Variants in YLPM1 observed in about 807,000 individuals in gnomAD.
YLPM1 encodes the protein YLP motif containing 1.
Under a neutral mutation model 230.0 loss-of-function variants are expected in YLPM1, and 99 were observed. The ratio of observed to expected loss-of-function variants is 0.43; its 90% CI spans 0.37 to 0.51. The LOEUF is 0.51. Among genes scored for constraint, YLPM1 ranks in the 20% least tolerant of loss-of-function variants. The probability of loss-of-function intolerance (pLI) is 0.00; values close to 1 mark genes in which losing one functional copy is unlikely to be tolerated. For synonymous variants in YLPM1, 984 were observed against 942.5 expected (o/e 1.04, Z -0.81); for missense variants, 2,592 against 2,707.7 (o/e 0.96, Z 0.95).
At chr14:74,799,845 GT>G in intron 5 of YLPM1, 148 bp downstream of exon 5, 1 of 1,283,058 alleles carries the variant, frequency 7.8e-7, no homozygotes, top group Non-Finnish European at 1.0e-6. Context: ...ATTCAGTGCT[GT>G]TTTAGGGTTA....
intron 1 of YLPM1, among the ~76,000 whole-genome samples, chr14:74,769,173 TTAA>T (rs2090946000): frequency 6.6e-6 from 1 of 151,320 alleles, no homozygotes; most frequent in Non-Finnish European, 1.5e-5. Flanking sequence ...CCTTCCGGGT[TTAA>T]GCAATTTTCT....
intron 18 of YLPM1, among the ~76,000 whole-genome samples, chr14:74,824,693 A>T (rs1183392904): frequency 6.6e-6 from 1 of 152,036 alleles, no homozygotes; most frequent in Non-Finnish European, 1.5e-5. Flanking sequence ...AATAAAAATA[A>T]TATAAAGTTT....
chr14:74,788,865 G>T (rs1341284176), intron 4 of YLPM1, among the ~76,000 whole-genome samples: 1 of 152,028 alleles, frequency 6.6e-6, no homozygotes, highest in African/African-American at 2.4e-5. Flanking sequence ...AAACCGTAAG[G>T]CTACAAGTAT....
intron 1 of YLPM1, among the ~76,000 whole-genome samples, chr14:74,777,417 T>A (rs776872911): frequency 3.3e-5 from 5 of 150,762 alleles, no homozygotes; most frequent in Admixed American, 2.0e-4. Flanking sequence ...AATAAAAAAA[T>A]TTAGCTGGGC....
chr14:74,817,163 C>T, intron 14 of YLPM1, 31 bp from the exon 15 acceptor site: 1 of 1,595,576 alleles, frequency 6.3e-7, no homozygotes, highest in East Asian at 2.2e-5. Flanking sequence ...TGTTATATAT[C>T]TTTGCCTAAT....
chr14:74,792,307 T>G (rs1028303841), intron 4 of YLPM1, among the ~76,000 whole-genome samples: 1 of 152,200 alleles, frequency 6.6e-6, no homozygotes, highest in African/African-American at 2.4e-5. Context: ...ATTTTTATTT[T>G]GCATTATATT....
intron 19 of YLPM1, among the ~76,000 whole-genome samples, chr14:74,833,459 C>T (rs1199937425): frequency 1.3e-5 from 2 of 152,010 alleles, no homozygotes; most frequent in African/African-American, 4.8e-5. Flanking sequence ...CGCCTTGTTG[C>T]CCAGGCTGGT....
chr14:74,809,168 GTTCT>G (rs1268966737), intron 6 of YLPM1, among the ~76,000 whole-genome samples: 1 of 150,850 alleles, frequency 6.6e-6, no homozygotes, highest in East Asian at 1.9e-4. Context: ...CTGAATTCAA[GTTCT>G]TTATCAAATA....
At chr14:74,830,904 T>A (rs1037020906) in intron 19 of YLPM1, among the ~76,000 whole-genome samples, 3 of 152,184 alleles carry the variant, frequency 2.0e-5, no homozygotes, top group Non-Finnish European at 4.4e-5. Context: ...GGGATTACAA[T>A]TCAACATGAG....
intron 14 of YLPM1, 27 bp downstream of exon 14, chr14:74,817,134 C>G (rs111521077): frequency 6.3e-7 from 1 of 1,598,962 alleles, no homozygotes; most frequent in Non-Finnish European, 8.5e-7. Flanking sequence ...CTTTAAAGTA[C>G]TTTGTGTTGT....
chr14:74,835,545 T>C (rs553180704), intron 20 of YLPM1, 98 bp downstream of exon 20: 1 of 1,051,958 alleles, frequency 9.5e-7, no homozygotes, highest in African/African-American at 1.6e-5. Context: ...GCTCTCTTCT[T>C]GTGTTATTTT....
chr14:74,788,412 G>A (rs35769520), intron 4 of YLPM1, among the ~76,000 whole-genome samples: 54,278 of 152,164 alleles, frequency 0.36, 11,705 homozygotes, highest in East Asian at 0.54. Context: ...GAGCCACCGC[G>A]CCTGGCCTTC....
intron 2 of YLPM1, among the ~76,000 whole-genome samples, chr14:74,779,641 CTTT>C (rs10715703): frequency 7.1e-5 from 10 of 140,378 alleles, no homozygotes; most frequent in African/African-American, 1.1e-4. Flanking sequence ...TTAAGGTTCA[CTTT>C]TTTTTTTTTT....
At chr14:74,820,557 T>C (rs1464343614) in intron 16 of YLPM1, among the ~76,000 whole-genome samples, 1 of 152,192 alleles carries the variant, frequency 6.6e-6, no homozygotes, top group Non-Finnish European at 1.5e-5. Flanking sequence ...CCTGACTCTT[T>C]ACTCTGCCCT....
intron 5 of YLPM1, 133 bp from the exon 6 acceptor site, chr14:74,802,423 G>T: frequency 2.1e-6 from 2 of 935,812 alleles, no homozygotes; most frequent in Non-Finnish European, 3.1e-6. Flanking sequence ...GAGCTGCTCA[G>T]TGTATGGCCA....
chr14:74,801,841 G>A (rs7153700), intron 5 of YLPM1, among the ~76,000 whole-genome samples: 53,933 of 152,122 alleles, frequency 0.35, 11,559 homozygotes, highest in East Asian at 0.54. Context: ...TTTAAAAACT[G>A]ATGTGAAAGC....
At chr14:74,776,990 A>G (rs1167354748) in intron 1 of YLPM1, among the ~76,000 whole-genome samples, 1 of 152,058 alleles carries the variant, frequency 6.6e-6, no homozygotes, top group African/African-American at 2.4e-5. Flanking sequence ...CAGGAGGCGG[A>G]GGTGGCAGTG....
intron 10 of YLPM1, among the ~76,000 whole-genome samples, chr14:74,812,275 AACTCTT>A (rs1051845529): frequency 2.0e-5 from 3 of 152,228 alleles, no homozygotes; most frequent in Non-Finnish European, 4.4e-5. Flanking sequence ...AAGATGGTAT[AACTCTT>A]ACTCTTAAAA....
chr14:74,782,240 G>A lies in YLPM1; in HGVS notation c.2197G>A (p.Ala733Thr). Residue 733 changes from alanine (A) to threonine (T), a missense_variant, in exon 4 of 21, where the codon GCA becomes ACA. Transcript: ENST00000325680. ...SSAAPSQPIT[A>T]VKDMPVRSGG... ...AGCTGCTCCATCTCAGCCAATCACT[G>A]CAGTGAAGGACATGCCAGTGAGATC... is the stretch of plus-strand genomic sequence containing the variant. 1 of 1,598,054 alleles carries A rather than the reference G, an allele frequency of 6.3e-7. No individual in the cohort carries two copies. Among genetic ancestry groups the A allele is most frequent in the Non-Finnish European group, 8.5e-7 (1 of 1,178,196 alleles).
Sources: allele counts gnomAD v4.1 joint callset (sites outside exome capture counted in the v4.1 genomes callset), GRCh38; gene constraint gnomAD v4.1.1; transcripts MANE v1.5; gene names NCBI Gene and HGNC (gene_info 2026-07-23, HGNC 2026-07-21).